The following FOXN3 variants were observed in gnomAD, a reference collection of about 807,000 sequenced individuals.
FOXN3 encodes forkhead box protein N3.
In FOXN3, 7 loss-of-function variants were observed where a neutral mutation model predicts 38.4. The ratio of observed to expected loss-of-function variants is 0.18; its 90% confidence interval spans 0.10 to 0.34. The LOEUF is 0.34. FOXN3 is among the 10% of genes least tolerant of loss of function. The probability of loss-of-function intolerance (pLI) is 1.00; values close to 1 mark genes in which losing one functional copy is unlikely to be tolerated. For missense variants in FOXN3, 456 were observed against 613.4 expected, an observed-to-expected ratio of 0.74 and a Z score of 2.71; for synonymous variants, 230 against 242.2, an observed-to-expected ratio of 0.95 and a Z score of 0.47.
chr14:89,297,601 C>A, intron 3 of FOXN3, among the ~76,000 whole-genome samples: 1 of 151,728 alleles, frequency 6.6e-6, no homozygotes, highest in Non-Finnish European at 1.5e-5. Flanking sequence ...GCCATCAAAT[C>A]TAACAGTTCC....
At chr14:89,600,868 C>A (rs1896140586) in intron 1 of FOXN3, among the ~76,000 whole-genome samples, 1 of 152,186 alleles carries the variant, frequency 6.6e-6, no homozygotes, top group Non-Finnish European at 1.5e-5. Context: ...AAAGTGAGTA[C>A]AATTTGCAAG....
At chr14:89,326,949 T>G (rs1888099635) in intron 3 of FOXN3, among the ~76,000 whole-genome samples, 1 of 152,196 alleles carries the variant, frequency 6.6e-6, no homozygotes, top group African/African-American at 2.4e-5. Flanking sequence ...CCCGCCAACA[T>G]TTCCCGGGTA....
chr14:89,174,620 G>A (rs781182404), intron 5 of FOXN3, among the ~76,000 whole-genome samples: 21 of 152,160 alleles, frequency 1.4e-4, no homozygotes, highest in African/African-American at 4.8e-4. Context: ...ATTAACGAAC[G>A]TCATTGATAT....
At chr14:89,471,719 A>C (rs934372724) in intron 1 of FOXN3, among the ~76,000 whole-genome samples, 1 of 152,196 alleles carries the variant, frequency 6.6e-6, no homozygotes, top group Admixed American at 6.5e-5. Flanking sequence ...TCCTTCAACT[A>C]CACAGTTGTA....
At chr14:89,616,521 A>AC (rs1161046760) in intron 1 of FOXN3, among the ~76,000 whole-genome samples, 7 of 137,888 alleles carry the variant, frequency 5.1e-5, no homozygotes, top group East Asian at 2.2e-4. Context: ...TCACTCCCCA[A>AC]CCCCACCCCC....
intron 1 of FOXN3, among the ~76,000 whole-genome samples, chr14:89,488,119 A>G (rs989482497): frequency 6.9e-6 from 1 of 145,698 alleles, no homozygotes; most frequent in African/African-American, 2.6e-5. Flanking sequence ...CAGAGTCTCT[A>G]TTGCCCAGAC....
In FOXN3 at chr14:89,548,798, T is replaced by C. The variant is rs565180663; in HGVS notation, c.-15+70230A>G. 1.1e-4 allele frequency among the ~76,000 whole-genome samples: 16 copies of C among 152,280 alleles called. No individual in the cohort carries two copies. The highest frequency in any genetic ancestry group is 2.1e-4 in the South Asian group (1 of 4,826). On this transcript the variant is annotated intron_variant, in intron 1 of 6. Coordinates refer to the FOXN3 transcript ENST00000345097. This position sits in a 1 kb window ranked among gnomAD's most constrained non-coding sequence, Gnocchi z 4.8. ...CTGGTCAGTGACAAAGTTTTCAAAATGAGAAATATCAGAACAAGGTATTCA... is the reference window on the plus strand; with the variant it reads ...CTGGTCAGTGACAAAGTTTTCAAAACGAGAAATATCAGAACAAGGTATTCA...
chr14:89,278,978 C>G (rs1886381709), intron 4 of FOXN3, among the ~76,000 whole-genome samples: 1 of 151,918 alleles, frequency 6.6e-6, no homozygotes, highest in South Asian at 2.1e-4. Flanking sequence ...TCCCATGGCC[C>G]AGAACCACCC....
At chr14:89,196,517 T>C (rs1888103270) in intron 4 of FOXN3, among the ~76,000 whole-genome samples, 1 of 152,200 alleles carries the variant, frequency 6.6e-6, no homozygotes, top group Non-Finnish European at 1.5e-5. Context: ...TCCACATAGT[T>C]CCTGCTCTGT....
intron 1 of FOXN3, among the ~76,000 whole-genome samples, chr14:89,510,077 G>A (rs1244817775): frequency 6.6e-6 from 1 of 152,186 alleles, no homozygotes; most frequent in African/African-American, 2.4e-5. Flanking sequence ...GATATCAGCA[G>A]GCAGACCTCC....
intron 2 of FOXN3, among the ~76,000 whole-genome samples, chr14:89,375,408 ACT>A (rs1400326620): frequency 6.6e-6 from 1 of 152,086 alleles, no homozygotes; most frequent in South Asian, 2.1e-4. Flanking sequence ...CAGAAAAAAA[ACT>A]CTTTCATACC....
At chr14:89,540,313 A>C (rs1185134502) in intron 1 of FOXN3, among the ~76,000 whole-genome samples, 1 of 152,218 alleles carries the variant, frequency 6.6e-6, no homozygotes, top group Non-Finnish European at 1.5e-5. Flanking sequence ...ACCAATGTTT[A>C]CCACTGTCCT....
chr14:89,567,153 A>G (rs1422759993), intron 1 of FOXN3, among the ~76,000 whole-genome samples: 1 of 152,194 alleles, frequency 6.6e-6, no homozygotes, highest in Admixed American at 6.5e-5. Context: ...CTCTTTTTAG[A>G]AAATTACCTG....
At chr14:89,195,767 G>C (rs1259744370) in intron 4 of FOXN3, among the ~76,000 whole-genome samples, 1 of 152,200 alleles carries the variant, frequency 6.6e-6, no homozygotes, top group Non-Finnish European at 1.5e-5. Flanking sequence ...GGAATGAAGT[G>C]AGACAGGGGG....
At chr14:89,378,452 C>G (rs1462736557) in intron 2 of FOXN3, among the ~76,000 whole-genome samples, 2 of 152,188 alleles carry the variant, frequency 1.3e-5, no homozygotes, top group Admixed American at 6.5e-5. Flanking sequence ...TTAAAACGCC[C>G]AAGTCTGCCT....
intron 3 of FOXN3, among the ~76,000 whole-genome samples, chr14:89,300,745 G>A (rs1208119195): frequency 6.6e-6 from 1 of 152,082 alleles, no homozygotes; most frequent in East Asian, 1.9e-4. Flanking sequence ...ACCTAATCTG[G>A]GCACTCAATT....
At chr14:89,388,929 A>C (rs1890861630) in intron 2 of FOXN3, among the ~76,000 whole-genome samples, 2 of 152,104 alleles carry the variant, frequency 1.3e-5, no homozygotes, top group Non-Finnish European at 2.9e-5. Context: ...AGAGTTCAGC[A>C]AGGGATCCCA....
intron 1 of FOXN3, among the ~76,000 whole-genome samples, chr14:89,532,995 G>A (rs1894603281): frequency 6.6e-6 from 1 of 152,110 alleles, no homozygotes; most frequent in Admixed American, 6.5e-5. Flanking sequence ...ACAAAAATGG[G>A]AAGAAATTGA....
intron 1 of FOXN3, among the ~76,000 whole-genome samples, chr14:89,612,612 A>G (rs1398571250): frequency 6.6e-6 from 1 of 151,716 alleles, no homozygotes; most frequent in Non-Finnish European, 1.5e-5. Flanking sequence ...CCTGGGGAGC[A>G]CAGGGAGACC....
Sources: allele counts gnomAD v4.1 joint callset (sites outside exome capture counted in the v4.1 genomes callset), GRCh38; gene constraint gnomAD v4.1.1; non-coding constraint Gnocchi (gnomAD v3.1); transcripts MANE v1.5; gene names NCBI Gene and HGNC (gene_info 2026-07-23, HGNC 2026-07-21).